The following CCDC7 variants were observed in gnomAD, a reference collection of about 807,000 sequenced individuals.
CCDC7 encodes coiled-coil domain containing 7.
Under a neutral mutation model 196.9 loss-of-function variants are expected in CCDC7, and 183 were observed. That is an observed-to-expected ratio of 0.93 (90% confidence interval 0.82 to 1.05). The LOEUF (loss-of-function observed/expected upper bound fraction) is 1.05, where lower values mean the gene tolerates loss of function less well. Among genes scored for constraint, CCDC7 ranks in the 50% least tolerant of loss-of-function variants. The pLI, the probability that CCDC7 is intolerant of heterozygous loss-of-function variation, is 0.00. For synonymous variants in CCDC7, 525 were observed against 484.6 expected, an observed-to-expected ratio of 1.08 and a Z score of -1.10; for missense variants, 1,540 against 1,482.2, an observed-to-expected ratio of 1.04 and a Z score of -0.64.
intron 24 of CCDC7, among the ~76,000 whole-genome samples, chr10:32,704,226 C>A (rs1412620505): frequency 6.6e-6 from 1 of 152,130 alleles, no homozygotes; most frequent in Non-Finnish European, 1.5e-5. Context: ...TTTCCTTCCA[C>A]AGTCAGGACC....
At chr10:32,848,533 T>A in intron 38 of CCDC7, 63 bp from the exon 40 acceptor site, 1 of 1,176,592 alleles carries the variant, frequency 8.5e-7, no homozygotes, top group Non-Finnish European at 1.2e-6. Context: ...TACGTGGAGA[T>A]GGGATTAGTG....
intron 28 of CCDC7, among the ~76,000 whole-genome samples, chr10:32,753,527 C>T (rs962781372): frequency 6.6e-6 from 1 of 152,088 alleles, no homozygotes; most frequent in Non-Finnish European, 1.5e-5. Context: ...CCTAAAGTCA[C>T]ATCATTACAG....
intron 16 of CCDC7, among the ~76,000 whole-genome samples, chr10:32,581,479 C>G (rs2058725963): frequency 6.6e-6 from 1 of 152,016 alleles, no homozygotes; most frequent in South Asian, 2.1e-4. Flanking sequence ...TCCTCCTTCA[C>G]CATCTAATCA....
chr10:32,650,926 G>A (rs1281290347), intron 20 of CCDC7, among the ~76,000 whole-genome samples: 2 of 152,146 alleles, frequency 1.3e-5, no homozygotes, highest in South Asian at 2.1e-4. Flanking sequence ...TCCTGGGAGG[G>A]GCTGGCAGGC....
At chr10:32,528,861 A>G (rs976573856) in intron 11 of CCDC7, among the ~76,000 whole-genome samples, 2 of 151,228 alleles carry the variant, frequency 1.3e-5, no homozygotes, top group Admixed American at 6.6e-5. Flanking sequence ...CTGGTTCCAT[A>G]TTTTTGCAGT....
chr10:32,854,563 C>T, intron 41 of CCDC7, 74 bp downstream of exon 42: 1 of 953,314 alleles, frequency 1.0e-6, no homozygotes, highest in South Asian at 1.6e-5. Context: ...TATTTACCAA[C>T]CTCAAACCTC....
chr10:32,757,877 A>T (rs559862210), intron 28 of CCDC7, among the ~76,000 whole-genome samples: 5 of 152,358 alleles, frequency 3.3e-5, no homozygotes, highest in African/African-American at 1.2e-4. Flanking sequence ...AAAGAAGAAG[A>T]GAAGAATCAA....
chr10:32,681,094 C>A (rs1261939108), intron 21 of CCDC7, among the ~76,000 whole-genome samples: 1 of 152,206 alleles, frequency 6.6e-6, no homozygotes, highest in Non-Finnish European at 1.5e-5. Flanking sequence ...AAGATCTCTT[C>A]AAGAAAGCCT....
intron 11 of CCDC7, among the ~76,000 whole-genome samples, chr10:32,523,818 C>T (rs1182272556): frequency 1.3e-5 from 2 of 151,852 alleles, no homozygotes; most frequent in African/African-American, 4.8e-5. Flanking sequence ...TTGGTTTCCA[C>T]TGGCATGGAA....
At chr10:32,677,525 A>G (rs2140948903) in intron 21 of CCDC7, among the ~76,000 whole-genome samples, 1 of 152,160 alleles carries the variant, frequency 6.6e-6, no homozygotes, top group South Asian at 2.1e-4. Context: ...TATTTCATTC[A>G]GTACTTTGAA....
At chr10:32,533,278 C>CACAA (rs1554827271) in intron 11 of CCDC7, among the ~76,000 whole-genome samples, 2 of 150,924 alleles carry the variant, frequency 1.3e-5, no homozygotes, top group African/African-American at 4.9e-5. Context: ...CACACACACA[C>CACAA]AATTCTACAC....
intron 39 of CCDC7, among the ~76,000 whole-genome samples, chr10:32,850,277 C>A (rs2093499677): frequency 6.6e-6 from 1 of 152,178 alleles, no homozygotes; most frequent in Non-Finnish European, 1.5e-5. Flanking sequence ...GATCCAGTAT[C>A]ATGAAGCAGA....
chr10:32,782,524 G>A (rs574425646), intron 29 of CCDC7, among the ~76,000 whole-genome samples: 48 of 152,038 alleles, frequency 3.2e-4, no homozygotes, highest in South Asian at 8.3e-4. Flanking sequence ...CACCGTGCCC[G>A]GCCAGAAGAC....
chr10:32,645,616 G>A (rs940642596), intron 20 of CCDC7, among the ~76,000 whole-genome samples: 6 of 147,768 alleles, frequency 4.1e-5, no homozygotes, highest in Non-Finnish European at 5.9e-5. Flanking sequence ...ACTGGCATTA[G>A]TTCTTCTTTA....
At chr10:32,788,454 A>G (rs992565749) in intron 29 of CCDC7, among the ~76,000 whole-genome samples, 1 of 152,166 alleles carries the variant, frequency 6.6e-6, no homozygotes, top group African/African-American at 2.4e-5. Context: ...CCTCAGTACC[A>G]GGCCAGTCTG....
chr10:32,625,423 T>A (rs934913047), intron 18 of CCDC7, among the ~76,000 whole-genome samples: 3 of 151,688 alleles, frequency 2.0e-5, no homozygotes, highest in Non-Finnish European at 2.9e-5. Context: ...ATTACAATAC[T>A]GTTTAAATTT....
At chr10:32,595,476 T>G (rs1033451582) in intron 18 of CCDC7, among the ~76,000 whole-genome samples, 3 of 152,208 alleles carry the variant, frequency 2.0e-5, no homozygotes, top group Non-Finnish European at 4.4e-5. Flanking sequence ...TCAATTTTGT[T>G]GATCTTTTCA....
intron 9 of CCDC7, chr10:32,514,153 A>C (rs1348118968): frequency 6.6e-6 from 1 of 152,254 alleles, no homozygotes; most frequent in Non-Finnish European, 1.5e-5. Context: ...CATGATCAAT[A>C]AACAAAAACA....
chr10:32,610,904 G>A (rs2062053942), intron 18 of CCDC7, among the ~76,000 whole-genome samples: 2 of 152,136 alleles, frequency 1.3e-5, no homozygotes, highest in Non-Finnish European at 2.9e-5. Flanking sequence ...CGTCTTTATT[G>A]TAAAATAACT....
Sources: allele counts gnomAD v4.1 joint callset (sites outside exome capture counted in the v4.1 genomes callset), GRCh38; gene constraint gnomAD v4.1.1; transcripts MANE v1.5; gene names NCBI Gene and HGNC (gene_info 2026-07-23, HGNC 2026-07-21).